The following BRD10 variants were observed in gnomAD, a reference collection of about 807,000 sequenced individuals.
BRD10 encodes bromodomain containing 10, also known as uncharacterized bromodomain-containing protein 10.
the BRD10 span, chr9:5,899,215 C>A: frequency 6.6e-6 from 1 of 152,168 alleles, no homozygotes. Flanking sequence ...TGGAAAGTCC[C>A]ATTCCTCATT....
chr9:6,005,950 G>C, the BRD10 span, among the ~76,000 whole-genome samples: 3 of 152,170 alleles, frequency 2.0e-5, no homozygotes, highest in African/African-American at 7.2e-5. Context: ...TATGTTAACT[G>C]TTTTTGGTGA....
At chr9:5,892,413 G>T in the BRD10 span, 21 of 1,488,182 alleles carry the variant, frequency 1.4e-5, no homozygotes, top group Non-Finnish European at 1.7e-5. Flanking sequence ...GGGTGGCTTT[G>T]GATGCATTAA....
the BRD10 span, among the ~76,000 whole-genome samples, chr9:5,974,678 G>C: frequency 2.0e-5 from 3 of 152,172 alleles, no homozygotes; most frequent in African/African-American, 7.2e-5. Context: ...AATGAGTAGA[G>C]AGCTGCATAA....
the BRD10 span, chr9:5,906,877 C>T: frequency 6.5e-7 from 1 of 1,537,452 alleles, no homozygotes; most frequent in Non-Finnish European, 8.8e-7. Flanking sequence ...TATCAATTTA[C>T]ATTTCAGGAT....
At chr9:5,951,025 G>C in the BRD10 span, among the ~76,000 whole-genome samples, 2 of 144,468 alleles carry the variant, frequency 1.4e-5, no homozygotes, top group South Asian at 2.2e-4. Context: ...CAGATACAGA[G>C]GGCTGACTGT....
chr9:5,986,782 T>G, the BRD10 span, among the ~76,000 whole-genome samples: 17 of 152,332 alleles, frequency 1.1e-4, no homozygotes, highest in African/African-American at 3.8e-4. Flanking sequence ...CCATGTTTAT[T>G]TGATGTCAGG....
At chr9:5,969,440 A>C in the BRD10 span, 1 of 1,509,562 alleles carries the variant, frequency 6.6e-7, no homozygotes, top group East Asian at 2.4e-5. Context: ...CCGAAGCCTA[A>C]AGAAATTTAA....
At chr9:5,960,762 C>T in the BRD10 span, among the ~76,000 whole-genome samples, 1 of 151,936 alleles carries the variant, frequency 6.6e-6, no homozygotes, top group African/African-American at 2.4e-5. Flanking sequence ...TTCGCCAACT[C>T]TACTTGCTCT....
chr9:5,942,532 A>G, the BRD10 span, among the ~76,000 whole-genome samples: 1 of 152,210 alleles, frequency 6.6e-6, no homozygotes, highest in Non-Finnish European at 1.5e-5. Flanking sequence ...ATAAGGAACA[A>G]TAGATGCAAA....
the BRD10 span, among the ~76,000 whole-genome samples, chr9:5,967,706 A>AAC: frequency 1.3e-5 from 2 of 151,208 alleles, no homozygotes; most frequent in South Asian, 2.1e-4. Flanking sequence ...AAAAAAAAAA[A>AAC]AAAAACACAC....
At chr9:5,892,888 T>A in the BRD10 span, among the ~76,000 whole-genome samples, 1 of 152,108 alleles carries the variant, frequency 6.6e-6, no homozygotes, top group African/African-American at 2.4e-5. Flanking sequence ...TTGTTCTGTC[T>A]CCTCCACTCA....
the BRD10 span, among the ~76,000 whole-genome samples, chr9:5,975,970 G>T: frequency 6.6e-6 from 1 of 152,286 alleles, no homozygotes; most frequent in East Asian, 1.9e-4. Context: ...GTGGAAGTAG[G>T]TGTAAAAGAA....
the BRD10 span, among the ~76,000 whole-genome samples, chr9:5,886,944 G>C: frequency 3.9e-5 from 6 of 152,184 alleles, no homozygotes; most frequent in African/African-American, 9.7e-5. Context: ...GAGCTGGTCA[G>C]GTCTCCCTCG....
At chr9:5,987,021 T>G in the BRD10 span, among the ~76,000 whole-genome samples, 1 of 152,310 alleles carries the variant, frequency 6.6e-6, no homozygotes, top group East Asian at 1.9e-4. Flanking sequence ...CCAGGCTGAT[T>G]GGGTTCCAAT....
chr9:5,934,009 C>T, the BRD10 span: 43 of 331,202 alleles, frequency 1.3e-4, no homozygotes, highest in Admixed American at 1.4e-3. Context: ...CTTGTTTATA[C>T]AAGCCATACA....
At chr9:5,932,077 T>C in the BRD10 span, among the ~76,000 whole-genome samples, 1 of 152,140 alleles carries the variant, frequency 6.6e-6, no homozygotes, top group Non-Finnish European at 1.5e-5. Context: ...TACAATGAAA[T>C]TAATGTAAAG....
At chr9:5,982,948 A>G in the BRD10 span, among the ~76,000 whole-genome samples, 1 of 152,216 alleles carries the variant, frequency 6.6e-6, no homozygotes, top group Non-Finnish European at 1.5e-5. Flanking sequence ...AATTTTTAAA[A>G]TTGTGGTATT....
the BRD10 span, among the ~76,000 whole-genome samples, chr9:5,986,594 C>G: frequency 6.6e-6 from 1 of 152,196 alleles, no homozygotes; most frequent in Non-Finnish European, 1.5e-5. Context: ...AGTGTAAAAG[C>G]CTTCCTACTT....
the BRD10 span, among the ~76,000 whole-genome samples, chr9:5,923,979 G>A: frequency 6.6e-6 from 1 of 152,108 alleles, no homozygotes; most frequent in Non-Finnish European, 1.5e-5. Flanking sequence ...ATGAATTACA[G>A]GTAATCTAAT....
Sources: gnomAD v4.1 joint callset for allele counts (sites outside exome capture counted in the v4.1 genomes callset) on GRCh38, gnomAD v4.1.1 for gene constraint, MANE v1.5 for transcripts, NCBI Gene and HGNC (gene_info 2026-07-23, HGNC 2026-07-21) for gene names.